Variants in HSPG2 observed in about 807,000 individuals in gnomAD.
HSPG2 encodes the protein basement membrane-specific heparan sulfate proteoglycan core protein.
Under a neutral mutation model 526.6 loss-of-function variants are expected in HSPG2, and 278 were observed. The observed-to-expected ratio is 0.53, with a 90% CI of 0.48 to 0.58. The LOEUF (loss-of-function observed/expected upper bound fraction) is 0.58, where lower values mean the gene tolerates loss of function less well. HSPG2 is among the 20% of genes least tolerant of loss of function. The probability of loss-of-function intolerance (pLI) is 0.00; values close to 1 mark genes in which losing one functional copy is unlikely to be tolerated. For synonymous variants in HSPG2, 2,465 were observed against 2,555.4 expected, an observed-to-expected ratio of 0.96 and a Z score of 1.07; for missense variants, 5,354 against 6,099.5, an observed-to-expected ratio of 0.88 and a Z score of 4.07.
Position 21,831,050 on chromosome 1 carries a change from A to C in HSPG2, c.11603T>G (p.Val3868Gly). 1 of 1,593,074 alleles carries C rather than the reference A, an allele frequency of 6.3e-7. No homozygotes were observed. The highest frequency in any genetic ancestry group is 8.5e-7 in the Non-Finnish European group (1 of 1,170,130). Reference sequence around the variant, plus strand: ...GGTGAAGCCAGCTGGGCAGACGCACACGTAGCTGCTGCTCTCAGAGTCATG... The same window carrying C: ...GGTGAAGCCAGCTGGGCAGACGCACCCGTAGCTGCTGCTCTCAGAGTCATG... ...QCHDSESSSY[V>G]CVCPAGFTGS... The change falls in exon 85 of 97, where the codon GTG (valine) becomes GGG (glycine). Residue 3868 changes from valine (V) to glycine (G), a missense_variant. By Grantham distance (109) the Val-to-Gly change is moderately radical. Transcript: ENST00000374695.
intron 33 of HSPG2, among the ~76,000 whole-genome samples, chr1:21,871,612 C>A (rs1020759835): frequency 6.6e-6 from 1 of 152,174 alleles, no homozygotes; most frequent in Admixed American, 6.5e-5. Context: ...GGCATTCCCA[C>A]CTCCCAGCTG....
At chr1:21,866,788 A>C (rs895098164) in intron 33 of HSPG2, among the ~76,000 whole-genome samples, 2 of 152,178 alleles carry the variant, frequency 1.3e-5, no homozygotes, top group African/African-American at 4.8e-5. Flanking sequence ...AAACTGCATC[A>C]AGCCTACCTC....
In HSPG2 at chr1:21,854,767, T is replaced by G; in HGVS notation, c.6134-2A>C. 1 of 1,613,574 alleles carries G rather than the reference T, an allele frequency of 6.2e-7. No individual in the cohort carries two copies. The highest frequency in any genetic ancestry group is 8.5e-7 in the Non-Finnish European group (1 of 1,179,808). ...CCGGCGGTGGGCTGGCATCTGAGGC[T>G]GGGGCCAGAGTAGGGGTCAGCAGGC... On this transcript the variant is annotated splice_acceptor_variant, in intron 48 of 96. Transcript: ENST00000374695. LOFTEE classifies it high-confidence loss of function.
chr1:21,830,956 C>A, intron 85 of HSPG2, 26 bp downstream of exon 85: 1 of 1,508,784 alleles, frequency 6.6e-7, no homozygotes, highest in South Asian at 1.2e-5. Flanking sequence ...CCTGGGGCGA[C>A]AGCGACTGGC....
At chr1:21,930,490 C>G (rs768164633) in intron 1 of HSPG2, among the ~76,000 whole-genome samples, 4 of 152,196 alleles carry the variant, frequency 2.6e-5, no homozygotes, top group Admixed American at 6.5e-5. Flanking sequence ...AGATCTAGAA[C>G]AGGGCGGGTG....
At chr1:21,901,646 C>T (rs904148485) in intron 1 of HSPG2, among the ~76,000 whole-genome samples, 3 of 152,124 alleles carry the variant, frequency 2.0e-5, no homozygotes, top group Non-Finnish European at 4.4e-5. Context: ...TGGGACTGAG[C>T]CCCCGACTGC....
chr1:21,878,497 G>T lies in HSPG2; in HGVS notation c.2559-6C>A. 6.2e-7 allele frequency: 1 copy of T among 1,613,250 alleles called. No homozygotes were observed. On this transcript the variant is annotated splice_region_variant and splice_polypyrimidine_tract_variant and intron_variant, in intron 19 of 96. Coordinates refer to ENST00000374695, the MANE Select transcript of HSPG2 (RefSeq NM_005529.7). The stretch of plus-strand genomic sequence containing the variant: ...CCTCGTATCCGGGGGCACAGCTAGG[G>T]GAGAGAGGGGGCCGCCATCAGCACT...
Position 21,847,743 on chromosome 1 carries a change from G to C in HSPG2, c.7971C>G (p.Pro2657=), listed in dbSNP as rs752038256. The C allele has an allele frequency of 6.2e-7, 1 of 1,612,794 alleles. No individual in the cohort carries two copies. The highest frequency in any genetic ancestry group is 2.2e-5 in the East Asian group (1 of 44,800). The part of the protein sequence containing the change: ...LDLNCVVARQ[P]QAIITWYKRG... ...GCTTGTACCATGTGATGATAGCCTGGGGCTGCCTGGCGACCACGCAGTTCA... is the reference window on the plus strand; with the variant it reads ...GCTTGTACCATGTGATGATAGCCTGCGGCTGCCTGGCGACCACGCAGTTCA... Residue 2657 remains proline, a synonymous_variant, in exon 61 of 97, where the codon CCC becomes CCG. Transcript: ENST00000374695. The surrounding 1 kb of genome is among the most constrained non-coding windows in gnomAD (Gnocchi z 4.1).
Position 21,823,503 on chromosome 1 carries a change from G to A in HSPG2, c.13004-15C>T. 1 of 1,606,630 alleles carries A rather than the reference G, an allele frequency of 6.2e-7. No individual in the cohort carries two copies. The highest frequency in any genetic ancestry group is 2.2e-5 in the East Asian group (1 of 44,784). On this transcript the variant is annotated splice_polypyrimidine_tract_variant and intron_variant, in intron 96 of 96. Transcript: ENST00000374695. ...AGGGGCTCCGCCTGCCGGGAGGTGA[G>A]AGGACAGGGCCTGTGGGCTCCAGCA...
intron 3 of HSPG2, among the ~76,000 whole-genome samples, chr1:21,892,808 A>C (rs1482411028): frequency 2.1e-5 from 3 of 141,706 alleles, no homozygotes; most frequent in Non-Finnish European, 3.0e-5. Context: ...CAGTGAGCCG[A>C]GATTGTGCCA....
At chr1:21,926,373 T>G (rs1644192081) in intron 1 of HSPG2, among the ~76,000 whole-genome samples, 1 of 152,034 alleles carries the variant, frequency 6.6e-6, no homozygotes, top group African/African-American at 2.4e-5. Flanking sequence ...GAGACTGGTC[T>G]GTCCCCAGGA....
intron 28 of HSPG2, 121 bp from the exon 29 acceptor site, chr1:21,874,132 GTGC>G: frequency 1.1e-6 from 1 of 890,668 alleles, no homozygotes; most frequent in Non-Finnish European, 1.8e-6. Flanking sequence ...TGTGTCCTCA[GTGC>G]CACTGCATGC....
Position 21,880,541 on chromosome 1 carries a change from A to C in HSPG2, c.2017T>G (p.Ser673Ala). ...TCCGCGCGCTGCACCGGCCGGCCAGACTCATGGACCCAGTGCTCCTGGGTA... is the reference window on the plus strand; with the variant it reads ...TCCGCGCGCTGCACCGGCCGGCCAGCCTCATGGACCCAGTGCTCCTGGGTA... ...QFSEEHWVHE[S>A]GRPVQRAELL... The change falls in exon 16 of 97, where the codon TCT becomes GCT. Residue 673 changes from serine to alanine, a missense_variant. Physicochemically the swap from Ser to Ala is moderately conservative, Grantham distance 99. Transcript: ENST00000374695. 1.2e-6 allele frequency: 2 copies of C among 1,613,500 alleles called. No individual in the cohort carries two copies. Among genetic ancestry groups the C allele is most frequent in the Non-Finnish European group, 1.7e-6 (2 of 1,179,946 alleles).
chr1:21,831,519 C>G lies in HSPG2; in HGVS notation c.11396G>C (p.Gly3799Ala). 1 of 1,614,144 alleles carries G rather than the reference C, an allele frequency of 6.2e-7. No homozygotes were observed. The highest frequency in any genetic ancestry group is 8.5e-7 in the Non-Finnish European group (1 of 1,180,010). Residue 3799 changes from glycine to alanine, a missense_variant, in exon 83 of 97, where the codon GGT becomes GCT. Transcript: ENST00000374695. ...GLDLNEELYL[G>A]GYPDYGAIPK... ...GATGGCACCATAGTCAGGATAGCCA[C>G]CCAGGTAGAGTTCCTCGTTCAGATC...
At chr1:21,827,968 A>G (rs767265764) in intron 90 of HSPG2, 49 bp from the exon 91 acceptor site, 1 of 1,610,946 alleles carries the variant, frequency 6.2e-7, no homozygotes, top group East Asian at 2.2e-5. Flanking sequence ...ACCCGTGGGT[A>G]CTATGTCGAG....
Position 21,887,180 on chromosome 1 carries a change from G to A in HSPG2, c.1078+35C>T. 2 of 1,612,412 alleles carry A rather than the reference G, an allele frequency of 1.2e-6. No individual in the cohort carries two copies. Among genetic ancestry groups the A allele is most frequent in the Non-Finnish European group, 1.7e-6 (2 of 1,179,796 alleles). Reference sequence around the variant, plus strand: ...GGCAGGAGCAAGCGGCCTGGGCAGGGCAAGGGGGCCTCAGCTGGACCCTCG... The same window carrying A: ...GGCAGGAGCAAGCGGCCTGGGCAGGACAAGGGGGCCTCAGCTGGACCCTCG... On this transcript the variant is annotated intron_variant, in intron 9 of 96. Transcript: ENST00000374695. This position sits in a 1 kb window ranked among gnomAD's most constrained non-coding sequence, Gnocchi z 5.0.
rs1639648031 is a variant in HSPG2, at chr1:21,859,773, G to T, written c.5182+62C>A. The T allele has an allele frequency of 1.9e-6, 3 of 1,597,244 alleles. No homozygotes were observed. The South Asian group carries it at 3.4e-5, about 18-fold the overall frequency. On this transcript the variant is annotated intron_variant, in intron 41 of 96. Coordinates refer to ENST00000374695, the MANE Select transcript of HSPG2 (RefSeq NM_005529.7). The surrounding 1 kb of genome is among the most constrained non-coding windows in gnomAD (Gnocchi z 5.3). ...CAGCATCCCACTAGGGCAGGGACAG[G>T]CCCCTGCCTCCCCTCCCACTGGGAT...
At chr1:21,832,850 G>T in intron 80 of HSPG2, 1 of 588,616 alleles carries the variant, frequency 1.7e-6, no homozygotes, top group South Asian at 2.1e-5. Flanking sequence ...TCTCCCTCAA[G>T]GGGGAGAGGG....
chr1:21,878,953 G>A (rs1490612500), intron 18 of HSPG2, 41 bp downstream of exon 18: 2 of 1,603,528 alleles, frequency 1.2e-6, no homozygotes, highest in Non-Finnish European at 1.7e-6. Context: ...CTGTTGCACT[G>A]TCCCCAGCCA....
Sources: gnomAD v4.1 joint callset for allele counts (sites outside exome capture counted in the v4.1 genomes callset) on GRCh38, gnomAD v4.1.1 for gene constraint, Gnocchi (gnomAD v3.1) non-coding constraint, MANE v1.5 for transcripts, NCBI Gene and HGNC (gene_info 2026-07-23, HGNC 2026-07-21) for gene names.